The following ARSB variants were observed in gnomAD, a reference collection of about 807,000 sequenced individuals.
ARSB encodes arylsulfatase B, also known as N-acetylgalactosamine-4-sulfatase.
A neutral mutation model predicts 50.9 loss-of-function variants in ARSB; 41 were observed. The ratio of observed to expected loss-of-function variants is 0.81; its 90% CI spans 0.63 to 1.04. The LOEUF is 1.04. Ranked by LOEUF, ARSB falls within the 50% of genes least tolerant of loss-of-function variation. The pLI, the probability that ARSB is intolerant of heterozygous loss-of-function variation, is 0.00. For missense variants in ARSB, 672 were observed against 693.3 expected, an observed-to-expected ratio of 0.97 and a Z score of 0.35; for synonymous variants, 269 against 284.8, an observed-to-expected ratio of 0.94 and a Z score of 0.56.
intron 4 of ARSB, among the ~76,000 whole-genome samples, chr5:78,925,225 T>C (rs999404231): frequency 2.0e-5 from 3 of 152,186 alleles, no homozygotes; most frequent in African/African-American, 7.2e-5. Flanking sequence ...AAAGTGATCT[T>C]GCTTAAGTCC....
chr5:78,885,830 G>GA lies in ARSB; in HGVS notation c.899-4dup. ...TGCCAAAGTCTGCCCTCCGTTATCTGAAACACAGTAAGGTCTTGGCATGAG... is the reference window on the plus strand; with the variant it reads ...TGCCAAAGTCTGCCCTCCGTTATCTGAAAACACAGTAAGGTCTTGGCATGAG... On this transcript the variant is annotated splice_polypyrimidine_tract_variant and splice_region_variant and intron_variant, in intron 4 of 7. Coordinates refer to ENST00000264914, the MANE Select transcript of ARSB (RefSeq NM_000046.5). 6 of 1,614,112 alleles carry GA rather than the reference G, an allele frequency of 3.7e-6. No homozygotes were observed. The highest frequency in any genetic ancestry group is 5.1e-6 in the Non-Finnish European group (6 of 1,180,028).
chr5:78,876,712 T>G (rs1747498325), intron 5 of ARSB, among the ~76,000 whole-genome samples: 1 of 152,168 alleles, frequency 6.6e-6, no homozygotes, highest in Admixed American at 6.5e-5. Context: ...CCTGGAAATC[T>G]GCAGAGGATC....
At chr5:78,907,145 C>T (rs11747224) in intron 4 of ARSB, among the ~76,000 whole-genome samples, 21,967 of 152,090 alleles carry the variant, frequency 0.14, 2,415 homozygotes, top group African/African-American at 0.31. Context: ...AGAGGTGACA[C>T]GGAGGCCGTT....
intron 1 of ARSB, among the ~76,000 whole-genome samples, chr5:78,975,093 T>C (rs1752610416): frequency 6.6e-6 from 1 of 152,068 alleles, no homozygotes; most frequent in Admixed American, 6.5e-5. Context: ...CCCTGCACCC[T>C]GTAAACATTT....
chr5:78,984,248 T>C lies in ARSB; in HGVS notation c.312+689A>G, dbSNP rs531621579. ...CAACAAAGTGCTATGCAAATGTTCT[T>C]GATATTCTTAGCCATCTAACATCTA... On this transcript the variant is annotated intron_variant, in intron 1 of 7. Coordinates refer to ENST00000264914, the MANE Select transcript of ARSB (RefSeq NM_000046.5). Among the ~76,000 whole-genome samples, 367 of 152,364 alleles carry C rather than the reference T, an allele frequency of 2.4e-3. 3 individuals carry two copies. Among genetic ancestry groups the C allele is most frequent in the African/African-American group, 8.5e-3 (354 of 41,582 alleles).
chr5:78,799,265 G>A (rs1743287317), intron 6 of ARSB, among the ~76,000 whole-genome samples: 1 of 152,214 alleles, frequency 6.6e-6, no homozygotes, highest in Non-Finnish European at 1.5e-5. Context: ...ATCTGTAGAT[G>A]CAGATTTGAA....
intron 1 of ARSB, among the ~76,000 whole-genome samples, chr5:78,984,563 T>C (rs1753056176): frequency 6.6e-6 from 1 of 152,210 alleles, no homozygotes; most frequent in Admixed American, 6.5e-5. Context: ...TCCCCTCGTC[T>C]TTGCTCCCAG....
chr5:78,975,047 A>G (rs6883131), intron 1 of ARSB, among the ~76,000 whole-genome samples: 40,272 of 152,092 alleles, frequency 0.26, 5,505 homozygotes, highest in Middle Eastern at 0.35. Flanking sequence ...AGGGGATCCT[A>G]GGAGCGCCCA....
chr5:78,915,943 T>A (rs940492789), intron 4 of ARSB, among the ~76,000 whole-genome samples: 1 of 152,190 alleles, frequency 6.6e-6, no homozygotes, highest in Non-Finnish European at 1.5e-5. Context: ...ATGGTGGATT[T>A]TCAGGTTAGG....
At chr5:78,919,858 T>G (rs1407799330) in intron 4 of ARSB, among the ~76,000 whole-genome samples, 2 of 152,140 alleles carry the variant, frequency 1.3e-5, no homozygotes, top group Non-Finnish European at 2.9e-5. Flanking sequence ...CTAAAAGAAC[T>G]GCAGAGATTT....
At chr5:78,958,982 C>T (rs7708387) in intron 3 of ARSB, among the ~76,000 whole-genome samples, 40,653 of 152,142 alleles carry the variant, frequency 0.27, 6,777 homozygotes, top group African/African-American at 0.48. Context: ...TTAAGCTCCC[C>T]TAAATTTTGT....
chr5:78,836,506 T>C (rs1744961037), intron 6 of ARSB, among the ~76,000 whole-genome samples: 1 of 152,202 alleles, frequency 6.6e-6, no homozygotes, highest in Non-Finnish European at 1.5e-5. Flanking sequence ...TACTGGGTCT[T>C]ATAATTCTAC....
At chr5:78,862,960 C>T (rs571388094) in intron 5 of ARSB, among the ~76,000 whole-genome samples, 1 of 152,306 alleles carries the variant, frequency 6.6e-6, no homozygotes, top group Admixed American at 6.5e-5. Context: ...TGAACAGACA[C>T]TTCTCAAAAG....
At chr5:78,828,109 A>C (rs1744512447) in intron 6 of ARSB, among the ~76,000 whole-genome samples, 1 of 152,224 alleles carries the variant, frequency 6.6e-6, no homozygotes. Flanking sequence ...TCGATATCAT[A>C]CTGAACGGTG....
intron 4 of ARSB, among the ~76,000 whole-genome samples, chr5:78,902,784 C>T (rs967782707): frequency 1.1e-4 from 17 of 152,220 alleles, no homozygotes; most frequent in African/African-American, 2.4e-4. Flanking sequence ...GGAGTAACTG[C>T]TAAGGGGTAG....
At chr5:78,981,358 T>C (rs1342811657) in intron 1 of ARSB, among the ~76,000 whole-genome samples, 2 of 152,208 alleles carry the variant, frequency 1.3e-5, no homozygotes, top group African/African-American at 2.4e-5. Context: ...CACCATAGCA[T>C]GCACATTTAA....
intron 4 of ARSB, among the ~76,000 whole-genome samples, chr5:78,912,271 A>G (rs1749343955): frequency 6.6e-6 from 1 of 152,236 alleles, no homozygotes; most frequent in Non-Finnish European, 1.5e-5. Flanking sequence ...CAACCTTAAG[A>G]GATCACAGGC....
Position 78,844,124 on chromosome 5 carries a change from G to A in ARSB, c.1143-4698C>T, listed in dbSNP as rs139067366. ...CTCTACAACATTTTGAGGACTTGCCGAACAATTTTCCAAAGCAGCTACGCC... is the reference window on the plus strand; with the variant it reads ...CTCTACAACATTTTGAGGACTTGCCAAACAATTTTCCAAAGCAGCTACGCC... On this transcript the variant is annotated intron_variant, in intron 5 of 7. Coordinates refer to ENST00000264914, the MANE Select transcript of ARSB (RefSeq NM_000046.5). 1.2e-3 allele frequency among the ~76,000 whole-genome samples: 181 copies of A among 152,220 alleles called. 4 individuals carry two copies. The highest frequency in any genetic ancestry group is 2.2e-4 in the Non-Finnish European group (15 of 67,996).
At chr5:78,949,997 T>A (rs527550933) in intron 4 of ARSB, among the ~76,000 whole-genome samples, 2 of 152,274 alleles carry the variant, frequency 1.3e-5, no homozygotes, top group South Asian at 4.1e-4. Context: ...GTTTTCAGGG[T>A]TGCAGAATCG....
Sources: gnomAD v4.1 joint callset for allele counts (sites outside exome capture counted in the v4.1 genomes callset) on GRCh38, gnomAD v4.1.1 for gene constraint, MANE v1.5 for transcripts, NCBI Gene and HGNC (gene_info 2026-07-23, HGNC 2026-07-21) for gene names.